The following BLOC1S1 variants were observed in gnomAD, a reference collection of about 807,000 sequenced individuals.
BLOC1S1 encodes the protein biogenesis of lysosome-related organelles complex 1 subunit 1.
In BLOC1S1, 11 loss-of-function variants were observed where a neutral mutation model predicts 19.0. The observed-to-expected ratio is 0.58, with a 90% CI of 0.37 to 0.96. The LOEUF (loss-of-function observed/expected upper bound fraction) is 0.96. Ranked by LOEUF, BLOC1S1 falls within the 40% of genes least tolerant of loss-of-function variation. The pLI, the probability that BLOC1S1 is intolerant of heterozygous loss-of-function variation, is 0.01. For missense variants in BLOC1S1, 220 were observed against 195.9 expected (o/e 1.12, Z -0.73); for synonymous variants, 94 against 76.4 (o/e 1.23, Z -1.20).
chr12:55,716,466 C>G (rs900006855), intron 1 of BLOC1S1: 4 of 1,325,192 alleles, frequency 3.0e-6, no homozygotes, highest in Admixed American at 7.6e-5. Flanking sequence ...CCCGGAGCGC[C>G]CTGCCTATTG....
intron 2 of BLOC1S1, among the ~76,000 whole-genome samples, chr12:55,717,336 C>T (rs989838499): frequency 6.6e-6 from 1 of 152,334 alleles, no homozygotes; most frequent in South Asian, 2.1e-4. Context: ...AGGGAGAGCA[C>T]CCTCCTTCAT....
chr12:55,716,894 C>G, intron 1 of BLOC1S1, 39 bp from the exon 2 acceptor site: 2 of 1,561,212 alleles, frequency 1.3e-6, no homozygotes, highest in Non-Finnish European at 1.7e-6. Flanking sequence ...CCTCAAAAAA[C>G]CAAGTCTCCC....
chr12:55,719,658 G>A lies in BLOC1S1; in HGVS notation c.*49G>A, dbSNP rs775982603. ...ATCCCTCCTACCTCACCCGCAGGGG[G>A]AAGGAGGGAGGCTGACAAGCCTTGA... On this transcript the variant is annotated 3_prime_UTR_variant, in exon 4 of 4. Coordinates refer to ENST00000548925, the MANE Select transcript of BLOC1S1 (RefSeq NM_001487.4). 1 of 1,507,894 alleles carries A rather than the reference G, an allele frequency of 6.6e-7. No individual in the cohort carries two copies. Among genetic ancestry groups the A allele is most frequent in the Non-Finnish European group, 9.2e-7 (1 of 1,086,736 alleles). The allele number at this position is 1,507,894 out of a possible 1,614,324, so 93.4% of individuals were successfully genotyped here.
chr12:55,718,416 T>C (rs1389811360), intron 2 of BLOC1S1, among the ~76,000 whole-genome samples: 1 of 152,016 alleles, frequency 6.6e-6, no homozygotes, highest in East Asian at 1.9e-4. Flanking sequence ...ACCAACCCCA[T>C]GGTAGTAATG....
intron 2 of BLOC1S1, among the ~76,000 whole-genome samples, chr12:55,718,074 C>A (rs1876711418): frequency 6.6e-6 from 1 of 152,218 alleles, no homozygotes. Flanking sequence ...TGCTAGATGC[C>A]ACCCCACTTT....
At chr12:55,717,428 G>A (rs979462978) in intron 2 of BLOC1S1, among the ~76,000 whole-genome samples, 1 of 152,314 alleles carries the variant, frequency 6.6e-6, no homozygotes, top group South Asian at 2.1e-4. Flanking sequence ...GGCAGAGCTG[G>A]TGGTGGTGAG....
chr12:55,716,522 A>G (rs2136131268), intron 1 of BLOC1S1: 2 of 1,243,208 alleles, frequency 1.6e-6, no homozygotes, highest in East Asian at 4.6e-5. Context: ...GCGACTCTGG[A>G]GGGAGGAGGG....
intron 1 of BLOC1S1, chr12:55,716,426 C>T (rs1340769106): frequency 8.0e-6 from 11 of 1,373,020 alleles, no homozygotes; most frequent in Non-Finnish European, 1.0e-5. Context: ...CCCCAATCCC[C>T]GACCTGCCGC....
rs1565651447 is a variant in BLOC1S1 at position 55,716,067 on chromosome 12, CGA to C, written c.18_19del (p.Gly7Ter). ...GTCACGTGACATGGCCCCGGGGAGC[CGA>C]GGTGAGCGTTCCAGCTTCCGGAGCC... MAPGS[R>X]GERSSFRSRR... On this transcript the variant is annotated frameshift_variant, in exon 1 of 4. Coordinates refer to ENST00000548925, the MANE Select transcript of BLOC1S1 (RefSeq NM_001487.4). LOFTEE classifies it high-confidence loss of function. 1.3e-6 allele frequency: 2 copies of C among 1,565,094 alleles called. No homozygotes were observed. The highest frequency in any genetic ancestry group is 1.9e-5 in the Admixed American group (1 of 52,306).
rs182857261 is a variant in BLOC1S1 at position 55,718,193 on chromosome 12, C to A, written c.219-898C>A. ...AAAACAAAGGCTCAGTCTATCTTGG[C>A]CCCTGTCAGGTGTCCTGCCCACTCC... On this transcript the variant is annotated intron_variant, in intron 2 of 3. Coordinates refer to ENST00000548925, the MANE Select transcript of BLOC1S1 (RefSeq NM_001487.4). Among the ~76,000 whole-genome samples the A allele has an allele frequency of 6.3e-3, 954 of 152,336 alleles. 9 individuals carry two copies. Among genetic ancestry groups the A allele is most frequent in the African/African-American group, 0.022 (911 of 41,572 alleles).
At chr12:55,717,963 G>A (rs1335245194) in intron 2 of BLOC1S1, among the ~76,000 whole-genome samples, 1 of 152,176 alleles carries the variant, frequency 6.6e-6, no homozygotes. Context: ...AAGGAACAGG[G>A]TCTGCCCTCC....
At position 55,719,159 on chromosome 12, in the gene BLOC1S1, C is replaced by T. The variant is rs750958417; in HGVS notation, c.287C>T (p.Ala96Val). 3 of 1,613,876 alleles carry T rather than the reference C, an allele frequency of 1.9e-6. No individual in the cohort carries two copies. Among genetic ancestry groups the T allele is most frequent in the Non-Finnish European group, 8.5e-7 (1 of 1,179,994 alleles). ...HEVKTLQVQAAQFAKQTGQWI... is the reference protein window; with the variant it reads ...HEVKTLQVQAVQFAKQTGQWI... ...GTGAAGACCCTACAGGTCCAGGCTG[C>T]CCAATTTGCCAAGCAGACAGGCCAG... The change falls in exon 3 of 4, where the codon GCC (alanine) becomes GTC (valine). Residue 96 changes from alanine (A) to valine (V), a missense_variant. Transcript: ENST00000548925.
rs1216646006 is a variant in BLOC1S1, at chr12:55,719,633, A to G, written c.*24A>G. ...AGCCCCTGTTCCCTCCCCCAACCCTATCCCTCCTACCTCACCCGCAGGGGG... is the reference window on the plus strand; with the variant it reads ...AGCCCCTGTTCCCTCCCCCAACCCTGTCCCTCCTACCTCACCCGCAGGGGG... On this transcript the variant is annotated 3_prime_UTR_variant, in exon 4 of 4. Coordinates refer to ENST00000548925, the MANE Select transcript of BLOC1S1 (RefSeq NM_001487.4). 6 of 1,595,832 alleles carry G rather than the reference A, an allele frequency of 3.8e-6. No individual in the cohort carries two copies. The African/African-American group carries it at 5.4e-5, about 14-fold the overall frequency.
chr12:55,719,332 C>G (rs138133733), intron 3 of BLOC1S1, 109 bp downstream of exon 3: 1 of 1,559,366 alleles, frequency 6.4e-7, no homozygotes, highest in Admixed American at 1.7e-5. Context: ...GTCCCAGAAA[C>G]CCCATCTATA....
intron 1 of BLOC1S1, chr12:55,716,498 G>A: frequency 7.9e-7 from 1 of 1,271,194 alleles, no homozygotes; most frequent in Non-Finnish European, 9.9e-7. Context: ...CTCTCGTCCT[G>A]GCGGCGGGAA....
rs1345722437 is a variant in BLOC1S1 at position 55,716,047 on chromosome 12, G to T, written c.-5G>T. ...CAACCTCACGTGACACAGCGGTCAC[G>T]TGACATGGCCCCGGGGAGCCGAGGT... On this transcript the variant is annotated 5_prime_UTR_variant, in exon 1 of 4. Transcript: ENST00000548925. 6.4e-7 allele frequency: 1 copy of T among 1,550,922 alleles called. No homozygotes were observed. The highest frequency in any genetic ancestry group is 8.7e-7 in the Non-Finnish European group (1 of 1,148,732).
intron 1 of BLOC1S1, chr12:55,716,647 C>T (rs890653003): frequency 1.6e-6 from 2 of 1,262,936 alleles, no homozygotes; most frequent in Middle Eastern, 3.0e-4. Context: ...ATTCTGCGGC[C>T]GAGTAGTGGA....
intron 2 of BLOC1S1, 58 bp from the exon 3 acceptor site, chr12:55,719,033 T>C (rs1036545562): frequency 2.8e-5 from 44 of 1,582,132 alleles, no homozygotes; most frequent in Non-Finnish European, 3.7e-5. Context: ...GGAATATTAG[T>C]CCCGGAGACC....
intron 3 of BLOC1S1, 22 bp from the exon 4 acceptor site, chr12:55,719,477 C>T (rs1435618788): frequency 1.2e-6 from 2 of 1,607,676 alleles, no homozygotes; most frequent in South Asian, 2.2e-5. Context: ...CCTGGGCTCC[C>T]ACCTCCTCTC....
Sources: allele counts gnomAD v4.1 joint callset (sites outside exome capture counted in the v4.1 genomes callset), GRCh38; gene constraint gnomAD v4.1.1; transcripts MANE v1.5; gene names NCBI Gene and HGNC (gene_info 2026-07-23, HGNC 2026-07-21).